SCYL2: variants seen among roughly 807,000 people sequenced by gnomAD.
The protein encoded by SCYL2 is SCY1-like protein 2.
Under a neutral mutation model 100.4 loss-of-function variants are expected in SCYL2, and 36 were observed. The ratio of observed to expected loss-of-function variants is 0.36; its 90% CI spans 0.27 to 0.47. The LOEUF (loss-of-function observed/expected upper bound fraction) is 0.47. SCYL2 is among the 20% of genes least tolerant of loss of function. SCYL2 has a pLI of 1.00. For missense variants in SCYL2, 902 were observed against 1,083.9 expected (o/e 0.83, Z 2.36); for synonymous variants, 330 against 359.2 (o/e 0.92, Z 0.92).
Position 100,323,551 on chromosome 12 carries a change from C to G in SCYL2, c.1422C>G (p.Thr474=). 1.9e-6 allele frequency: 3 copies of G among 1,598,454 alleles called. No individual in the cohort carries two copies. The highest frequency in any genetic ancestry group is 1.7e-6 in the Non-Finnish European group (2 of 1,169,882). The stretch of plus-strand genomic sequence containing the variant: ...AGCTCTGTCTAAACATCATTCCAAC[C>G]TTTGCAAATCTTATAGACTACCCAT... ...IQELCLNIIP[T]FANLIDYPSM... The change falls in exon 11 of 18, where the codon ACC becomes ACG. Residue 474 remains threonine (T), a synonymous_variant. Transcript: ENST00000360820.
chr12:100,285,349 T>C (rs1422557263), intron 2 of SCYL2, among the ~76,000 whole-genome samples: 1 of 152,268 alleles, frequency 6.6e-6, no homozygotes, highest in Non-Finnish European at 1.5e-5. Flanking sequence ...AAGCTATATC[T>C]GTGTTGTTGA....
At chr12:100,326,566 T>C in intron 11 of SCYL2, 56 bp from the exon 12 acceptor site, 1 of 1,279,206 alleles carries the variant, frequency 7.8e-7, no homozygotes, top group Non-Finnish European at 1.1e-6. Context: ...ACTTAAATAT[T>C]TTGTTCTAGA....
chr12:100,279,884 G>C (rs1248129926), intron 1 of SCYL2, among the ~76,000 whole-genome samples: 3 of 152,242 alleles, frequency 2.0e-5, no homozygotes, highest in East Asian at 3.9e-4. Flanking sequence ...CCAGGGAACA[G>C]AGCATGAAGG....
rs573045242 is a variant in SCYL2, at chr12:100,311,595, T to G, written c.630+402T>G. Among the ~76,000 whole-genome samples, 4 of 152,322 alleles carry G rather than the reference T, an allele frequency of 2.6e-5. No individual in the cohort carries two copies. The East Asian group carries it at 7.7e-4, about 29-fold the overall frequency. On this transcript the variant is annotated intron_variant, in intron 5 of 17. Coordinates refer to ENST00000360820, the MANE Select transcript of SCYL2 (RefSeq NM_017988.6). ...ACTTTTCCACACACTTTCTCTGTAC[T>G]TATTTAATCCTCACAATAACTCAGT...
intron 1 of SCYL2, among the ~76,000 whole-genome samples, chr12:100,269,759 T>G (rs953214605): frequency 1.3e-5 from 2 of 152,188 alleles, no homozygotes; most frequent in Non-Finnish European, 2.9e-5. Context: ...AACTTAATTT[T>G]AACACTTTGC....
At position 100,272,268 on chromosome 12, in the gene SCYL2, C is replaced by CT. The variant is rs76400901; in HGVS notation, c.-29+4482dup. Among the ~76,000 whole-genome samples, 3,533 of 152,156 alleles carry CT rather than the reference C, an allele frequency of 0.023. 300 individuals carry two copies. The East Asian group carries it at 0.29, about 12-fold the overall frequency. On this transcript the variant is annotated intron_variant, in intron 1 of 17. Coordinates refer to ENST00000360820, the MANE Select transcript of SCYL2 (RefSeq NM_017988.6). ...TAACTTTGTCATTGGAAAATATAGG[C>CT]TTTTTTCTTCATTAATCAAAGGAAA...
intron 3 of SCYL2, among the ~76,000 whole-genome samples, chr12:100,294,818 G>T (rs1325169297): frequency 1.4e-5 from 2 of 145,970 alleles, no homozygotes. Flanking sequence ...CCTCCCTCCC[G>T]GACGGGGTGG....
At chr12:100,318,329 C>CTTTTTTT (rs1052095844) in intron 10 of SCYL2, among the ~76,000 whole-genome samples, 2 of 130,948 alleles carry the variant, frequency 1.5e-5, no homozygotes, top group African/African-American at 2.9e-5. Context: ...TCTTTTCTTT[C>CTTTTTTT]TTTTTTTTTT....
At chr12:100,268,834 T>C (rs555407710) in intron 1 of SCYL2, among the ~76,000 whole-genome samples, 3 of 152,216 alleles carry the variant, frequency 2.0e-5, no homozygotes, top group Non-Finnish European at 2.9e-5. Context: ...TATCCATTCC[T>C]TTGTATAGAA....
chr12:100,323,771 A>G (rs2096358869), intron 11 of SCYL2, 133 bp downstream of exon 11: 1 of 497,904 alleles, frequency 2.0e-6, no homozygotes. Flanking sequence ...TGTATATAGT[A>G]CTATAAAAAT....
chr12:100,314,071 G>A (rs1377393210), intron 7 of SCYL2, among the ~76,000 whole-genome samples: 2 of 152,098 alleles, frequency 1.3e-5, no homozygotes, highest in African/African-American at 2.4e-5. Context: ...GGTAGAGACA[G>A]TGTTTCACCA....
At chr12:100,325,009 T>C (rs2096360112) in intron 11 of SCYL2, among the ~76,000 whole-genome samples, 1 of 152,112 alleles carries the variant, frequency 6.6e-6, no homozygotes, top group South Asian at 2.1e-4. Flanking sequence ...GGCGAGTGGA[T>C]CTCGAGCACT....
At chr12:100,289,717 T>C (rs1330069883) in intron 2 of SCYL2, among the ~76,000 whole-genome samples, 1 of 152,164 alleles carries the variant, frequency 6.6e-6, no homozygotes, top group Non-Finnish European at 1.5e-5. Flanking sequence ...ACATAATAAA[T>C]GGAGGAGTGA....
At chr12:100,270,594 G>GTA (rs2135784254) in intron 1 of SCYL2, among the ~76,000 whole-genome samples, 2 of 148,248 alleles carry the variant, frequency 1.3e-5, no homozygotes, top group South Asian at 4.3e-4. Context: ...ATATTTAAGC[G>GTA]TATGTTGCCT....
intron 16 of SCYL2, 28 bp from the exon 17 acceptor site, chr12:100,337,358 GT>G (rs746390092): frequency 6.3e-7 from 1 of 1,598,504 alleles, no homozygotes; most frequent in Non-Finnish European, 8.5e-7. Context: ...TAAATTGCCG[GT>G]TGATTTTTTG....
At chr12:100,294,007 G>C (rs1415843709) in intron 3 of SCYL2, among the ~76,000 whole-genome samples, 5 of 150,686 alleles carry the variant, frequency 3.3e-5, no homozygotes, top group Non-Finnish European at 7.4e-5. Context: ...ACAAAGCCGC[G>C]ATTGTCATCC....
chr12:100,312,432 C>G lies in SCYL2; in HGVS notation c.631C>G (p.Pro211Ala). The G allele has an allele frequency of 6.2e-7, 1 of 1,606,342 alleles. No individual in the cohort carries two copies. Among genetic ancestry groups the G allele is most frequent in the Middle Eastern group, 2.1e-4 (1 of 4,678 alleles). Residue 211 changes from proline to alanine, a missense_variant and splice_region_variant, in exon 6 of 18, where the codon CCT becomes GCT. Physicochemically the swap from Pro to Ala is conservative, Grantham distance 27. Coordinates refer to ENST00000360820, the MANE Select transcript of SCYL2 (RefSeq NM_017988.6). ...VSSTNPSEQE[P>A]KFPCKEWDPN... is the part of the protein sequence containing the mutation. ...CATGTAATTCCTTTTCTTACTACAG[C>G]CTAAATTTCCTTGTAAAGAATGGGA... is the stretch of plus-strand genomic sequence containing the variant.
chr12:100,339,338 A>G lies in SCYL2; in HGVS notation c.*166A>G, dbSNP rs1952324289. On this transcript the variant is annotated 3_prime_UTR_variant, in exon 18 of 18. Coordinates refer to ENST00000360820, the MANE Select transcript of SCYL2 (RefSeq NM_017988.6). The stretch of plus-strand genomic sequence containing the variant: ...CAGCATAGTAGTTGTATGGACTTCT[A>G]ACCAGTTGAGTTTTTTAAAGCATTG... 2.9e-6 allele frequency: 2 copies of G among 682,416 alleles called. No individual in the cohort carries two copies. Among genetic ancestry groups the G allele is most frequent in the Non-Finnish European group, 4.7e-6 (2 of 428,868 alleles). The allele number at this position is 682,416 out of a possible 1,614,324, so 42.3% of individuals were successfully genotyped here. A position where few individuals can be genotyped will look rare whatever the true frequency, so the allele number is the denominator to read the frequency against.
Position 100,267,192 on chromosome 12 carries a change from C to G in SCYL2, c.-629C>G. On this transcript the variant is annotated 5_prime_UTR_variant, in exon 1 of 18. Transcript: ENST00000360820. Reference sequence around the variant, plus strand: ...CAGGTCTTTTAGTCTTTTTCCCCCTCCCTTACTCTTCGTCCCCGGTCCCTC... The same window carrying G: ...CAGGTCTTTTAGTCTTTTTCCCCCTGCCTTACTCTTCGTCCCCGGTCCCTC... 1 of 1,149,152 alleles carries G rather than the reference C, an allele frequency of 8.7e-7. No individual in the cohort carries two copies. Among genetic ancestry groups the G allele is most frequent in the Non-Finnish European group, 1.2e-6 (1 of 817,854 alleles). 71.2% of individuals were successfully genotyped at this position (1,149,152 alleles called of 1,614,324 possible).
Sources: gnomAD v4.1 joint callset for allele counts (sites outside exome capture counted in the v4.1 genomes callset) on GRCh38, gnomAD v4.1.1 for gene constraint, MANE v1.5 for transcripts, NCBI Gene and HGNC (gene_info 2026-07-23, HGNC 2026-07-21) for gene names.